Variants in RALB observed in about 807,000 individuals in gnomAD.
RALB encodes the protein ras-related protein Ral-B.
In RALB, 16 loss-of-function variants were observed where a neutral mutation model predicts 21.3. The observed-to-expected ratio is 0.75, with a 90% CI of 0.51 to 1.14. RALB has a LOEUF of 1.14. RALB is among the 50% of genes most tolerant of loss of function. The probability of loss-of-function intolerance (pLI) is 0.00; values close to 1 mark genes in which losing one functional copy is unlikely to be tolerated. For synonymous variants in RALB, 93 were observed against 96.1 expected (o/e 0.97, Z 0.19); for missense variants, 161 against 256.2 (o/e 0.63, Z 2.54).
chr2:120,264,770 C>T (rs896588766), intron 1 of RALB, among the ~76,000 whole-genome samples: 73 of 152,328 alleles, frequency 4.8e-4, no homozygotes, highest in African/African-American at 1.6e-3. Context: ...CCCCTCTTCC[C>T]CCACCCCCTG....
At chr2:120,251,459 T>C (rs1428258244), upstream of RALB, among the ~76,000 whole-genome samples, 1 of 152,204 alleles carries the variant, frequency 6.6e-6, no homozygotes, top group Non-Finnish European at 1.5e-5. Context: ...ACCTATAGCA[T>C]GGAGGTGCTG....
chr2:120,247,059 G>A (rs1380223917), intron 1 of RALB, among the ~76,000 whole-genome samples: 1 of 152,220 alleles, frequency 6.6e-6, no homozygotes, highest in Non-Finnish European at 1.5e-5. Flanking sequence ...GTCACCCCGT[G>A]GCGGCTTTTA....
At chr2:120,253,381 A>T in intron 1 of RALB, 1 of 985,290 alleles carries the variant, frequency 1.0e-6, no homozygotes, top group Non-Finnish European at 1.2e-6. Context: ...GCAAAAACTT[A>T]ACTGCCCTCG....
rs574477550 is a variant in RALB, at chr2:120,257,557, C to T, written c.-48+4577C>T. On this transcript the variant is annotated intron_variant, in intron 1 of 4. Transcript: ENST00000272519. ...TCCTTTGAGTTGTGCATATTTATAA[C>T]AAAATATTTCATTGATCATGTTAAA... Among the ~76,000 whole-genome samples the T allele has an allele frequency of 3.7e-4, 57 of 152,128 alleles. 3 individuals are homozygous for T. In the South Asian group the frequency reaches 0.011, roughly 30 times the overall value.
intron 1 of RALB, among the ~76,000 whole-genome samples, chr2:120,256,153 G>A (rs534729873): frequency 6.6e-6 from 1 of 152,298 alleles, no homozygotes; most frequent in South Asian, 2.1e-4. Context: ...TCCTGAGGTT[G>A]CAGTCATCTG....
At chr2:120,277,577 CAA>C (rs1472442365) in intron 1 of RALB, among the ~76,000 whole-genome samples, 10 of 151,334 alleles carry the variant, frequency 6.6e-5, no homozygotes, top group Admixed American at 2.6e-4. Flanking sequence ...TATGAGAGGA[CAA>C]GTGTGTGATA....
intron 1 of RALB, among the ~76,000 whole-genome samples, chr2:120,270,808 T>A (rs2104616101): frequency 6.6e-6 from 1 of 152,308 alleles, no homozygotes; most frequent in Non-Finnish European, 1.5e-5. Context: ...GATTCCTAAT[T>A]TTTCAGGGGT....
chr2:120,262,516 G>A (rs1689390556), intron 1 of RALB, among the ~76,000 whole-genome samples: 1 of 152,176 alleles, frequency 6.6e-6, no homozygotes, highest in Non-Finnish European at 1.5e-5. Flanking sequence ...CTAGTCATAG[G>A]AAAGAGTGGG....
chr2:120,257,660 G>A (rs1370289310), intron 1 of RALB, among the ~76,000 whole-genome samples: 1 of 152,238 alleles, frequency 6.6e-6, no homozygotes, highest in Non-Finnish European at 1.5e-5. Context: ...TAGAGTCACT[G>A]TTAGGCAGAG....
rs1369420922 is a variant in RALB, at chr2:120,252,943, C to A, written c.-85C>A. 11 of 985,436 alleles carry A rather than the reference C, an allele frequency of 1.1e-5. No homozygotes were observed. In the East Asian group the frequency reaches 1.0e-3, roughly 92 times the overall value. 61.0% of individuals were successfully genotyped at this position (985,436 alleles called of 1,614,324 possible). ...GCGGGGCGCGTTTAAGAGCTGCGGG[C>A]CGGGTGCGGACGGCGGAGGCGGCGG... On this transcript the variant is annotated 5_prime_UTR_variant, in exon 1 of 5. Transcript: ENST00000272519.
Position 120,247,028 on chromosome 2 carries a change from G to T in RALB, c.19+6903G>T, listed in dbSNP as rs185205113. 6.5e-4 allele frequency among the ~76,000 whole-genome samples: 99 copies of T among 152,284 alleles called. 1 individual carries two copies. Among genetic ancestry groups the T allele is most frequent in the African/African-American group, 2.3e-3 (96 of 41,556 alleles). On this transcript the variant is annotated intron_variant, in intron 1 of 3. Transcript: ENST00000447591. ...AGACACTTGAATCTCATTTTATCTCGCAATGGAGTACTTCGCAGCTGTCAC... is the reference window on the plus strand; with the variant it reads ...AGACACTTGAATCTCATTTTATCTCTCAATGGAGTACTTCGCAGCTGTCAC...
intron 1 of RALB, among the ~76,000 whole-genome samples, chr2:120,275,650 G>T (rs1287686016): frequency 1.3e-5 from 2 of 152,182 alleles, no homozygotes; most frequent in African/African-American, 4.8e-5. Flanking sequence ...TGTGTGTTGT[G>T]TGTGTTTATT....
intron 2 of RALB, chr2:120,280,904 A>G (rs532548567): frequency 1.5e-4 from 67 of 435,694 alleles, no homozygotes; most frequent in East Asian, 7.2e-5. Flanking sequence ...AAGGTATTCT[A>G]GAGGTATGTC....
At chr2:120,247,790 T>C (rs1688995270) in intron 1 of RALB, among the ~76,000 whole-genome samples, 2 of 152,212 alleles carry the variant, frequency 1.3e-5, no homozygotes, top group African/African-American at 2.4e-5. Flanking sequence ...TACCTGGTGC[T>C]TTGCATGAGA....
chr2:120,261,457 G>C (rs1335524642), intron 1 of RALB, among the ~76,000 whole-genome samples: 3 of 152,148 alleles, frequency 2.0e-5, no homozygotes, highest in African/African-American at 4.8e-5. Context: ...TGTTCTCTGG[G>C]ACAAATGAGG....
In RALB at chr2:120,294,480, G is replaced by C. The variant is rs1690375749; in HGVS notation, c.*1220G>C. 1 of 386,058 alleles carries C rather than the reference G, an allele frequency of 2.6e-6. No homozygotes were observed. Among genetic ancestry groups the C allele is most frequent in the African/African-American group, 2.1e-5 (1 of 48,346 alleles). The allele number at this position is 386,058 out of a possible 1,614,324, so 23.9% of individuals were successfully genotyped here. A position where few individuals can be genotyped will look rare whatever the true frequency, so the allele number is the denominator to read the frequency against. ...TGAGCAAACTGAAAGATTTTCATCA[G>C]GAAAGGAGCACTGTGGGAAGAGCCC... On this transcript the variant is annotated 3_prime_UTR_variant, in exon 5 of 5. Transcript: ENST00000272519.
chr2:120,280,372 C>T (rs967257854), intron 2 of RALB, among the ~76,000 whole-genome samples: 3 of 152,118 alleles, frequency 2.0e-5, no homozygotes, highest in East Asian at 1.9e-4. Context: ...TACTATGCAG[C>T]CATAAAAAAG....
At chr2:120,252,843 G>T (rs957419859), upstream of RALB, 6 of 985,648 alleles carry the variant, frequency 6.1e-6, no homozygotes, top group Non-Finnish European at 7.2e-6. Flanking sequence ...AGGCGCGCTC[G>T]GGGGGTGGGA....
intron 1 of RALB, among the ~76,000 whole-genome samples, chr2:120,271,050 C>T (rs539666279): frequency 5.3e-5 from 8 of 152,240 alleles, no homozygotes; most frequent in Admixed American, 6.5e-5. Flanking sequence ...ATTAGGTTTC[C>T]CCTAGGTTTT....
Sources: allele counts gnomAD v4.1 joint callset (sites outside exome capture counted in the v4.1 genomes callset), GRCh38; gene constraint gnomAD v4.1.1; transcripts MANE v1.5; gene names NCBI Gene and HGNC (gene_info 2026-07-23, HGNC 2026-07-21).